Variants in CDHR1 observed in about 807,000 individuals in gnomAD.
CDHR1 encodes the protein cadherin-related family member 1.
Under a neutral mutation model 72.1 loss-of-function variants are expected in CDHR1, and 61 were observed. The observed-to-expected ratio is 0.85, with a 90% CI of 0.69 to 1.05. The LOEUF (loss-of-function observed/expected upper bound fraction) is 1.05. Among genes scored for constraint, CDHR1 ranks in the 50% least tolerant of loss-of-function variants. The pLI is 0.00. For synonymous variants in CDHR1, 470 were observed against 448.1 expected, an observed-to-expected ratio of 1.05 and a Z score of -0.62; for missense variants, 1,186 against 1,115.7, an observed-to-expected ratio of 1.06 and a Z score of -0.90.
chr10:84,194,661 C>T lies in CDHR1; in HGVS notation c.-100C>T. The stretch of plus-strand genomic sequence containing the variant: ...CCGCCGCGGCTGCAGTCGCCGCTAC[C>T]CCCATTGTGGTCTCTGCCCTCCCCG... On this transcript the variant is annotated 5_prime_UTR_variant, in exon 1 of 17. Transcript: ENST00000623527. The T allele has an allele frequency of 2.0e-6, 2 of 980,772 alleles. No individual in the cohort carries two copies. Among genetic ancestry groups the T allele is most frequent in the Non-Finnish European group, 2.8e-6 (2 of 717,760 alleles). The allele number at this position is 980,772 out of a possible 1,614,324, so 60.8% of individuals were successfully genotyped here.
chr10:84,211,877 A>T (rs1179757424), intron 14 of CDHR1, among the ~76,000 whole-genome samples, 162 bp downstream of exon 14: 1 of 152,100 alleles, frequency 6.6e-6, no homozygotes, highest in Non-Finnish European at 1.5e-5. Flanking sequence ...AGGGTGAGGA[A>T]GTTCAGGGCC....
chr10:84,214,767 G>C lies in CDHR1; in HGVS notation c.*146G>C. On this transcript the variant is annotated 3_prime_UTR_variant, in exon 17 of 17. Coordinates refer to ENST00000623527, the MANE Select transcript of CDHR1 (RefSeq NM_033100.4). The stretch of plus-strand genomic sequence containing the variant: ...AATCCCCACTGTCCTCATCTCTACC[G>C]CCACCTTCTGGCGCAACAAGAAGTT... 1 of 1,559,118 alleles carries C rather than the reference G, an allele frequency of 6.4e-7. No individual in the cohort carries two copies. The highest frequency in any genetic ancestry group is 8.6e-7 in the Non-Finnish European group (1 of 1,160,248).
In CDHR1 at chr10:84,217,316, C is replaced by A; in HGVS notation, c.*2695C>A. ...CTGGGCAGGCTTGCCCATTCCTGGCCCTGAGAATGGAGCTGTAGCCTCATG... is the reference window on the plus strand; with the variant it reads ...CTGGGCAGGCTTGCCCATTCCTGGCACTGAGAATGGAGCTGTAGCCTCATG... On this transcript the variant is annotated 3_prime_UTR_variant, in exon 17 of 17. Coordinates refer to ENST00000623527, the MANE Select transcript of CDHR1 (RefSeq NM_033100.4). The A allele has an allele frequency of 1.0e-6, 1 of 985,376 alleles. No individual in the cohort carries two copies. Among genetic ancestry groups the A allele is most frequent in the Non-Finnish European group, 1.2e-6 (1 of 829,932 alleles). 61.0% of individuals were successfully genotyped at this position (985,376 alleles called of 1,614,324 possible). A position where few individuals can be genotyped will look rare whatever the true frequency, so the allele number is the denominator to read the frequency against.
In CDHR1 at chr10:84,197,824, TG is replaced by T. The variant is rs747425652; in HGVS notation, c.338del (p.Gly113AlafsTer2). The T allele has an allele frequency of 3.1e-6, 5 of 1,613,990 alleles. No individual in the cohort carries two copies. Among genetic ancestry groups the T allele is most frequent in the Non-Finnish European group, 4.2e-6 (5 of 1,179,976 alleles). On this transcript the variant is annotated frameshift_variant, in exon 4 of 17. Coordinates refer to ENST00000623527, the MANE Select transcript of CDHR1 (RefSeq NM_033100.4). LOFTEE classifies it high-confidence loss of function. Reference sequence around the variant, plus strand: ...TTGAAGCCATCATCAGCATTTCTGATGGCCTGAATCTGGTGAGTGCACGTCC... The same window carrying T: ...TTGAAGCCATCATCAGCATTTCTGATGCCTGAATCTGGTGAGTGCACGTCC... ...EIEAIISISDGLNLVAEKVVI... is the reference protein window; with the variant it reads ...EIEAIISISDXLNLVAEKVVI...
Position 84,198,632 on chromosome 10 carries a change from T to C in CDHR1, c.349-400T>C, listed in dbSNP as rs115641704. Among the ~76,000 whole-genome samples the C allele has an allele frequency of 2.7e-3, 416 of 152,316 alleles. 1 individual carries two copies. The highest frequency in any genetic ancestry group is 9.7e-3 in the African/African-American group (402 of 41,566). ...CTCTCCACCACCACAGCCCAGGAAC[T>C]CTCAACCCCATCGGATGCATTTACA... is the stretch of plus-strand genomic sequence containing the variant. On this transcript the variant is annotated intron_variant, in intron 4 of 16. Coordinates refer to ENST00000623527, the MANE Select transcript of CDHR1 (RefSeq NM_033100.4).
intron 9 of CDHR1, 57 bp from the exon 10 acceptor site, chr10:84,205,770 T>C (rs1230532892): frequency 2.3e-5 from 27 of 1,197,772 alleles, no homozygotes; most frequent in Non-Finnish European, 3.2e-5. Flanking sequence ...GTGGCACGAC[T>C]CCCCTGCGCC....
chr10:84,206,527 C>T (rs377026204), intron 10 of CDHR1, among the ~76,000 whole-genome samples: 68 of 152,248 alleles, frequency 4.5e-4, no homozygotes, highest in African/African-American at 1.5e-3. Flanking sequence ...TTTTATTTTT[C>T]GCTGGGCCTG....
At position 84,213,353 on chromosome 10, in the gene CDHR1, G is replaced by A; in HGVS notation, c.2040+5G>A. 1 of 1,614,150 alleles carries A rather than the reference G, an allele frequency of 6.2e-7. No individual in the cohort carries two copies. On this transcript the variant is annotated splice_donor_5th_base_variant and intron_variant, in intron 16 of 16. Transcript: ENST00000623527. ...ATTGACATCACAGATGCTGAGGTGA[G>A]TACAAAGCCATGGTCAGGAAAAAGG... is the stretch of plus-strand genomic sequence containing the variant.
In CDHR1 at chr10:84,212,303, G is replaced by C. The variant is rs745807033; in HGVS notation, c.1678G>C (p.Ala560Pro). 1 of 1,614,234 alleles carries C rather than the reference G, an allele frequency of 6.2e-7. No homozygotes were observed. Among genetic ancestry groups the C allele is most frequent in the Non-Finnish European group, 8.5e-7 (1 of 1,180,044 alleles). Residue 560 changes from alanine to proline, a missense_variant, in exon 15 of 17, where the codon GCT becomes CCT. Ala to Pro is a conservative substitution (Grantham distance 27). Coordinates refer to ENST00000623527, the MANE Select transcript of CDHR1 (RefSeq NM_033100.4). ...AEDMEGKYSV[A>P]EVFITLLDVN... ...GGACATGGAAGGCAAGTACAGCGTAGCTGAGGTGTTTATCACACTGCTGGA... is the reference window on the plus strand; with the variant it reads ...GGACATGGAAGGCAAGTACAGCGTACCTGAGGTGTTTATCACACTGCTGGA...
chr10:84,214,527 C>G lies in CDHR1; in HGVS notation c.2486C>G (p.Pro829Arg), dbSNP rs751095900. The change falls in exon 17 of 17, where the codon CCC becomes CGC. Residue 829 changes from proline (P) to arginine (R), a missense_variant. Physicochemically the swap from Pro to Arg is moderately radical, Grantham distance 103. Transcript: ENST00000623527. ...TPQPTQPPPK[P>R]KTMGSPVQST... ...CAGCCGACCCAACCCCCGCCAAAAC[C>G]CAAAACTATGGGAAGCCCCGTCCAG... 1.2e-6 allele frequency: 2 copies of G among 1,603,858 alleles called. No individual in the cohort carries two copies. Among genetic ancestry groups the G allele is most frequent in the East Asian group, 4.5e-5 (2 of 44,858 alleles).
intron 12 of CDHR1, among the ~76,000 whole-genome samples, chr10:84,210,213 C>T (rs971626532): frequency 2.0e-5 from 3 of 150,752 alleles, no homozygotes; most frequent in Admixed American, 6.7e-5. Flanking sequence ...AGCCAAGACT[C>T]GTTTTTTTTG....
rs1564667534 is a variant in CDHR1, at chr10:84,216,102, A to G, written c.*1481A>G. 1 of 985,456 alleles carries G rather than the reference A, an allele frequency of 1.0e-6. No homozygotes were observed. Among genetic ancestry groups the G allele is most frequent in the Non-Finnish European group, 1.2e-6 (1 of 829,940 alleles). 61.0% of individuals were successfully genotyped at this position (985,456 alleles called of 1,614,324 possible). On this transcript the variant is annotated 3_prime_UTR_variant, in exon 17 of 17. Coordinates refer to ENST00000623527, the MANE Select transcript of CDHR1 (RefSeq NM_033100.4). ...ATACAAATAGGTTGTGCCCTGCTTTAAGGAACCTGCTATCAGGAAATCTAC... is the reference window on the plus strand; with the variant it reads ...ATACAAATAGGTTGTGCCCTGCTTTGAGGAACCTGCTATCAGGAAATCTAC...
chr10:84,206,329 C>T (rs1314536998), intron 10 of CDHR1, among the ~76,000 whole-genome samples: 3 of 99,692 alleles, frequency 3.0e-5, no homozygotes, highest in South Asian at 2.7e-4. Flanking sequence ...AAGGAGGAAA[C>T]GTTGGACTCC....
chr10:84,200,454 C>T, intron 5 of CDHR1, 147 bp from the exon 6 acceptor site: 2 of 687,932 alleles, frequency 2.9e-6, no homozygotes, highest in Non-Finnish European at 5.4e-6. Context: ...CCAGCCCCCA[C>T]TGGGTGCTCA....
chr10:84,212,327 G>T lies in CDHR1; in HGVS notation c.1702G>T (p.Asp568Tyr), dbSNP rs1367145565. ...SVAEVFITLL[D>Y]VNDHPPQFGK... is the part of the protein sequence containing the mutation. ...AGCTGAGGTGTTTATCACACTGCTG[G>T]ATGTCAATGACCACCCCCCTCAGTT... Residue 568 changes from aspartate (D) to tyrosine (Y), a missense_variant, in exon 15 of 17, where the codon GAT (aspartate) becomes TAT (tyrosine). Asp to Tyr is a radical substitution (Grantham distance 160). Transcript: ENST00000623527. 6.2e-7 allele frequency: 1 copy of T among 1,614,088 alleles called. No individual in the cohort carries two copies. Among genetic ancestry groups the T allele is most frequent in the East Asian group, 2.2e-5 (1 of 44,898 alleles).
chr10:84,215,567 C>A lies in CDHR1; in HGVS notation c.*946C>A. ...AAGCTGTTTAAAGTCGCTGATCATC[C>A]TCTTCCTCATCTGTAAATGAAGAAA... is the stretch of plus-strand genomic sequence containing the variant. On this transcript the variant is annotated 3_prime_UTR_variant, in exon 17 of 17. Transcript: ENST00000623527. 1.1e-6 allele frequency: 1 copy of A among 872,124 alleles called. No homozygotes were observed. The highest frequency in any genetic ancestry group is 5.3e-5 in the South Asian group (1 of 18,970). 54.0% of individuals were successfully genotyped at this position (872,124 alleles called of 1,614,324 possible).
chr10:84,200,215 T>A (rs1842098592), intron 5 of CDHR1, among the ~76,000 whole-genome samples: 1 of 152,016 alleles, frequency 6.6e-6, no homozygotes, highest in Non-Finnish European at 1.5e-5. Context: ...GAAAAAGATG[T>A]CTCATTCTTG....
At chr10:84,210,757 A>T (rs1842313985) in intron 12 of CDHR1, among the ~76,000 whole-genome samples, 1 of 152,230 alleles carries the variant, frequency 6.6e-6, no homozygotes, top group Non-Finnish European at 1.5e-5. Flanking sequence ...CAGTGGAACA[A>T]AATAAACTGA....
At position 84,218,237 on chromosome 10, in the gene CDHR1, T is replaced by C. The variant is rs1842457425; in HGVS notation, c.*3616T>C. 7 of 985,392 alleles carry C rather than the reference T, an allele frequency of 7.1e-6. No individual in the cohort carries two copies. The highest frequency in any genetic ancestry group is 8.4e-6 in the Non-Finnish European group (7 of 829,922). The allele number at this position is 985,392 out of a possible 1,614,324, so 61.0% of individuals were successfully genotyped here. ...ACTCACAAACAACCTAGGGAGGGGT[T>C]CTCTGAAGGGCCTAGTTTCCAGAAT... On this transcript the variant is annotated 3_prime_UTR_variant, in exon 17 of 17. Transcript: ENST00000623527.
Sources: allele counts gnomAD v4.1 joint callset (sites outside exome capture counted in the v4.1 genomes callset), GRCh38; gene constraint gnomAD v4.1.1; transcripts MANE v1.5; gene names NCBI Gene and HGNC (gene_info 2026-07-23, HGNC 2026-07-21).